The following ATRX variants were observed in gnomAD, a reference collection of about 807,000 sequenced individuals.
ATRX encodes the protein chromatin remodeler ATRX.
A neutral mutation model predicts 172.6 loss-of-function variants in ATRX; 12 were observed. The ratio of observed to expected loss-of-function variants is 0.07; its 90% CI spans 0.04 to 0.11. The LOEUF (loss-of-function observed/expected upper bound fraction) is 0.11, where lower values mean the gene tolerates loss of function less well. ATRX is among the 10% of genes least tolerant of loss of function. ATRX has a pLI of 1.00. For synonymous variants in ATRX, 674 were observed against 594.7 expected (o/e 1.13, Z -1.94); for missense variants, 1,368 against 1,767.4 (o/e 0.77, Z 4.05).
chrX:77,775,117 T>C lies in ATRX; in HGVS notation c.20+10865A>G, dbSNP rs1407334305. ...GTTTCGAGAAATATGTATTAAAGTATTTGGGAGTAAAGGGACATCATGTCT... is the reference window on the plus strand; with the variant it reads ...GTTTCGAGAAATATGTATTAAAGTACTTGGGAGTAAAGGGACATCATGTCT... On this transcript the variant is annotated intron_variant, in intron 1 of 34. Transcript: ENST00000373344. Among the ~76,000 whole-genome samples, 3 of 111,230 alleles carry C rather than the reference T, an allele frequency of 2.7e-5. No homozygotes were observed. In the East Asian group the frequency reaches 8.4e-4, roughly 31 times the overall value.
chrX:77,668,215 G>T (rs1429842572), intron 10 of ATRX, among the ~76,000 whole-genome samples: 2 of 111,209 alleles, frequency 1.8e-5, no homozygotes, highest in Non-Finnish European at 3.8e-5. Flanking sequence ...AAAGCCTGCT[G>T]TGAGATGCTT....
intron 15 of ATRX, among the ~76,000 whole-genome samples, chrX:77,646,304 C>G (rs890635685): frequency 9.0e-6 from 1 of 111,204 alleles, no homozygotes; most frequent in Non-Finnish European, 1.9e-5. Context: ...CAAAAGAGAG[C>G]TGAGATGACT....
At chrX:77,724,836 A>G (rs2073955770) in intron 1 of ATRX, among the ~76,000 whole-genome samples, 1 of 111,737 alleles carries the variant, frequency 8.9e-6, no homozygotes, top group Non-Finnish European at 1.9e-5. Flanking sequence ...AAAAATCTAC[A>G]TCATTTCTAG....
At chrX:77,668,876 TTTA>T (rs1325086636) in intron 10 of ATRX, among the ~76,000 whole-genome samples, 10 of 109,415 alleles carry the variant, frequency 9.1e-5, no homozygotes, top group African/African-American at 2.7e-4. Flanking sequence ...CAAGAAAGCC[TTTA>T]TTAACTCCAA....
intron 30 of ATRX, among the ~76,000 whole-genome samples, chrX:77,556,745 T>C (rs1001672327): frequency 8.9e-6 from 1 of 112,421 alleles, no homozygotes; most frequent in Admixed American, 9.4e-5. Context: ...CATTCAATTC[T>C]GGAAATCCCA....
chrX:77,513,316 CA>C lies in ATRX; in HGVS notation c.7201-4688del, dbSNP rs1217104194. Among the ~76,000 whole-genome samples the C allele has an allele frequency of 8.3e-3, 212 of 25,633 alleles. 1 individual carries two copies. The highest frequency in any genetic ancestry group is 0.039 in the African/African-American group (177 of 4,591). 22.3% of individuals were successfully genotyped at this position (25,633 alleles called of 115,157 possible). On this transcript the variant is annotated intron_variant, in intron 34 of 34. Transcript: ENST00000373344. ...TGGGCGACAGAGCGAGACTCCGTCT[CA>C]AAAAAAAAAAAAAAAAAAAAAAAAG... is the stretch of plus-strand genomic sequence containing the variant.
intron 19 of ATRX, among the ~76,000 whole-genome samples, chrX:77,626,238 G>C (rs1344366875): frequency 9.4e-6 from 1 of 106,435 alleles, no homozygotes; most frequent in African/African-American, 3.4e-5. Context: ...AGGCTATGAG[G>C]ACACAAAGGC....
chrX:77,746,596 C>G (rs1557185037), intron 1 of ATRX, among the ~76,000 whole-genome samples: 1 of 111,523 alleles, frequency 9.0e-6, no homozygotes, highest in Non-Finnish European at 1.9e-5. Context: ...TTCCTATATT[C>G]AACTATTAAA....
intron 30 of ATRX, among the ~76,000 whole-genome samples, chrX:77,555,426 A>G (rs1557058423): frequency 8.9e-6 from 1 of 111,846 alleles, no homozygotes; most frequent in African/African-American, 3.3e-5. Context: ...TCACAGCACT[A>G]TTTACAATAG....
chrX:77,565,688 T>C (rs1204316131), intron 28 of ATRX, among the ~76,000 whole-genome samples: 1 of 111,067 alleles, frequency 9.0e-6, no homozygotes, highest in Non-Finnish European at 1.9e-5. Context: ...AAACCCCGTC[T>C]GTACTAAAAT....
intron 22 of ATRX, among the ~76,000 whole-genome samples, chrX:77,613,554 G>A (rs2067244976): frequency 8.9e-6 from 1 of 112,041 alleles, no homozygotes; most frequent in South Asian, 3.7e-4. Context: ...AATGTTGATT[G>A]AAAATACAGT....
At chrX:77,594,096 C>G (rs1557082614) in intron 25 of ATRX, 1 of 315,103 alleles carries the variant, frequency 3.2e-6, no homozygotes, top group African/African-American at 2.7e-5. Flanking sequence ...AGAGAACAAG[C>G]AAGAGATTGA....
At chrX:77,555,022 G>A (rs2064718395) in intron 30 of ATRX, among the ~76,000 whole-genome samples, 1 of 111,904 alleles carries the variant, frequency 8.9e-6, no homozygotes, top group Non-Finnish European at 1.9e-5. Flanking sequence ...GAGGGGCTCT[G>A]ACTGAAATGG....
intron 27 of ATRX, 63 bp from the exon 28 acceptor site, chrX:77,574,421 C>G (rs1383555894): frequency 1.2e-6 from 1 of 811,458 alleles, no homozygotes; most frequent in Non-Finnish European, 1.9e-6. Context: ...CTGGTAAGAA[C>G]AGATTTTCCA....
intron 1 of ATRX, among the ~76,000 whole-genome samples, chrX:77,751,112 T>C (rs1226650281): frequency 8.9e-6 from 1 of 112,413 alleles, no homozygotes; most frequent in Non-Finnish European, 1.9e-5. Context: ...CCACACTGTC[T>C]TCCACAATGG....
chrX:77,512,621 C>T (rs1202842671), intron 34 of ATRX, among the ~76,000 whole-genome samples: 7 of 112,199 alleles, frequency 6.2e-5, no homozygotes, highest in African/African-American at 9.7e-5. Flanking sequence ...GTGATCCCAG[C>T]GCTTTGGGAG....
Position 77,716,889 on chromosome X carries a change from C to T in ATRX, c.133+242G>A, listed in dbSNP as rs550519756. On this transcript the variant is annotated intron_variant, in intron 2 of 34. Transcript: ENST00000373344. The stretch of plus-strand genomic sequence containing the variant: ...TAACACATTTCCATTACATATAAAA[C>T]CATAAATGCTTCCTTTTCTAAGCTT... 1.1e-4 allele frequency among the ~76,000 whole-genome samples: 12 copies of T among 111,939 alleles called. No individual in the cohort carries two copies. In the South Asian group the frequency reaches 4.4e-3, roughly 41 times the overall value.
chrX:77,571,927 T>A (rs2065429224), intron 28 of ATRX, among the ~76,000 whole-genome samples: 1 of 111,925 alleles, frequency 8.9e-6, no homozygotes, highest in African/African-American at 3.2e-5. Context: ...TCTTAAAGTT[T>A]ATTTTAATGT....
intron 1 of ATRX, among the ~76,000 whole-genome samples, chrX:77,761,581 C>T (rs1301696105): frequency 9.0e-6 from 1 of 111,282 alleles, no homozygotes; most frequent in African/African-American, 3.3e-5. Flanking sequence ...TTTTGATATA[C>T]ATATACATAG....
Sources: gnomAD v4.1 joint callset for allele counts (sites outside exome capture counted in the v4.1 genomes callset) on GRCh38, gnomAD v4.1.1 for gene constraint, MANE v1.5 for transcripts, NCBI Gene and HGNC (gene_info 2026-07-23, HGNC 2026-07-21) for gene names.